The following SORCS1 variants were observed in gnomAD, a reference collection of about 807,000 sequenced individuals.
The protein encoded by SORCS1 is sortilin related VPS10 domain containing receptor 1.
SORCS1 carries 60 observed loss-of-function variants against 146.1 expected under a neutral mutation model. The observed-to-expected ratio is 0.41, with a 90% CI of 0.33 to 0.51. SORCS1 has a LOEUF of 0.51. SORCS1 is among the 20% of genes least tolerant of loss of function. The pLI, the probability that SORCS1 is intolerant of heterozygous loss-of-function variation, is 0.21. For missense variants in SORCS1, 1,352 were observed against 1,487.6 expected (o/e 0.91, Z 1.50); for synonymous variants, 637 against 584.0 (o/e 1.09, Z -1.31).
rs563578980 is a variant in SORCS1 at position 106,978,013 on chromosome 10, G to A, written c.559-21433C>T. Among the ~76,000 whole-genome samples, 7 of 152,214 alleles carry A rather than the reference G, an allele frequency of 4.6e-5. No homozygotes were observed. The South Asian group carries it at 1.2e-3, about 27-fold the overall frequency. On this transcript the variant is annotated intron_variant, in intron 1 of 25. Coordinates refer to ENST00000263054, the MANE Select transcript of SORCS1 (RefSeq NM_052918.5). ...AAGCTGGAGTGCAAGGCACGATCTC[G>A]GCTCACTACAACCTCTGCCTCCTGG...
intron 1 of SORCS1, among the ~76,000 whole-genome samples, chr10:107,083,789 G>A (rs770580435): frequency 6.6e-5 from 10 of 152,188 alleles, no homozygotes; most frequent in Non-Finnish European, 1.0e-4. Flanking sequence ...GTAAAAGGAG[G>A]CCCTAGAGGG....
rs766585530 is a variant in SORCS1, at chr10:106,607,183, T to C, written c.3148A>G (p.Thr1050Ala). 6 of 1,614,072 alleles carry C rather than the reference T, an allele frequency of 3.7e-6. No homozygotes were observed. The highest frequency in any genetic ancestry group is 5.1e-6 in the Non-Finnish European group (6 of 1,179,940). ...GGACTCACCTGCTCCAGGTCATCAG[T>C]TGACCTTTTGTTTTCTCCAGCTGGA... ...QDPAGENKRS[T>A]DDLEQISELL... is the part of the protein sequence containing the mutation. The change falls in exon 23 of 26, where the codon ACT becomes GCT. Residue 1050 changes from threonine to alanine, a missense_variant. Thr to Ala is a moderately conservative substitution (Grantham distance 58). Around this residue, in one of 3 missense-constraint regions of SORCS1, gnomAD observed 214 missense variants for 204.8 expected, o/e 1.05. Coordinates refer to ENST00000263054, the MANE Select transcript of SORCS1 (RefSeq NM_052918.5).
At chr10:106,748,463 A>T (rs1857908333) in intron 5 of SORCS1, among the ~76,000 whole-genome samples, 1 of 152,114 alleles carries the variant, frequency 6.6e-6, no homozygotes, top group African/African-American at 2.4e-5. Flanking sequence ...TGATGGCTCC[A>T]CAGACCAGCG....
chr10:106,854,444 A>G (rs1379141655), intron 2 of SORCS1, among the ~76,000 whole-genome samples: 1 of 150,068 alleles, frequency 6.7e-6, no homozygotes, highest in Non-Finnish European at 1.5e-5. Flanking sequence ...GGCCACTGAC[A>G]TTTAAAGTGA....
chr10:106,652,274 T>C (rs551724711), intron 18 of SORCS1, 108 bp downstream of exon 18: 3 of 1,213,062 alleles, frequency 2.5e-6, no homozygotes, highest in African/African-American at 3.1e-5. Context: ...AATTTTTAAA[T>C]AGCATCTAAA....
intron 3 of SORCS1, among the ~76,000 whole-genome samples, chr10:106,808,262 C>G (rs1382523829): frequency 6.6e-6 from 1 of 152,214 alleles, no homozygotes. Flanking sequence ...AGGTGATCCA[C>G]CTGCCTTGGC....
the SORCS1 span, among the ~76,000 whole-genome samples, chr10:107,177,664 T>G: frequency 2.4e-4 from 36 of 152,224 alleles, no homozygotes; most frequent in Non-Finnish European, 3.5e-4. Flanking sequence ...TTTGATACAT[T>G]CTTACAATAT....
chr10:106,974,402 G>A (rs1955910462), intron 1 of SORCS1, among the ~76,000 whole-genome samples: 1 of 152,222 alleles, frequency 6.6e-6, no homozygotes, highest in Non-Finnish European at 1.5e-5. Flanking sequence ...GTTCAATACA[G>A]AAGGCTTTGT....
At chr10:107,179,911 T>C in the SORCS1 span, among the ~76,000 whole-genome samples, 2 of 81,010 alleles carry the variant, frequency 2.5e-5, no homozygotes, top group South Asian at 4.0e-4. Context: ...AGACTTTTTT[T>C]TTTTTTTTTT....
At chr10:106,676,696 A>G (rs1337137000) in intron 13 of SORCS1, among the ~76,000 whole-genome samples, 4 of 152,108 alleles carry the variant, frequency 2.6e-5, no homozygotes, top group Non-Finnish European at 4.4e-5. Flanking sequence ...AGACCTTGAC[A>G]TTCTGAAACT....
chr10:106,708,268 G>GTA lies in SORCS1; in HGVS notation c.1143+953_1143+954dup, dbSNP rs547337351. 2.5e-3 allele frequency among the ~76,000 whole-genome samples: 370 copies of GTA among 150,006 alleles called. 1 individual carries two copies. The highest frequency in any genetic ancestry group is 0.017 in the East Asian group (88 of 5,080). ...ATGGTGTGTGTGTGTGTGTGTGTGT[G>GTA]TATGTGTGTGATCATATGTGAAACA... On this transcript the variant is annotated intron_variant, in intron 7 of 25. Transcript: ENST00000263054.
At chr10:106,593,166 G>A (rs2133286328) in intron 24 of SORCS1, among the ~76,000 whole-genome samples, 1 of 151,304 alleles carries the variant, frequency 6.6e-6, no homozygotes, top group Non-Finnish European at 1.5e-5. Context: ...TGTGGCAAGT[G>A]TGTCTCGGCC....
At chr10:106,696,302 T>G (rs1853699840) in intron 9 of SORCS1, among the ~76,000 whole-genome samples, 1 of 152,246 alleles carries the variant, frequency 6.6e-6, no homozygotes, top group African/African-American at 2.4e-5. Flanking sequence ...CTCTAAACTC[T>G]CATCATTCAT....
intron 1 of SORCS1, among the ~76,000 whole-genome samples, chr10:107,102,832 AT>A (rs2134392872): frequency 6.6e-6 from 1 of 152,326 alleles, no homozygotes; most frequent in South Asian, 2.1e-4. Flanking sequence ...AAATCTTTAC[AT>A]TTTGTGAACA....
intron 24 of SORCS1, among the ~76,000 whole-genome samples, chr10:106,595,179 G>T (rs1212497878): frequency 1.3e-5 from 2 of 152,164 alleles, no homozygotes; most frequent in Non-Finnish European, 2.9e-5. Flanking sequence ...TTTCTTCAGA[G>T]AATTTTCACC....
At chr10:106,679,809 C>T in intron 10 of SORCS1, 75 bp from the exon 11 acceptor site, 6 of 1,174,198 alleles carry the variant, frequency 5.1e-6, no homozygotes, top group Non-Finnish European at 7.4e-6. Context: ...TCAGATCATC[C>T]ATCCATCTAA....
At chr10:106,903,664 G>A (rs531947615) in intron 2 of SORCS1, among the ~76,000 whole-genome samples, 2 of 152,294 alleles carry the variant, frequency 1.3e-5, no homozygotes, top group South Asian at 2.1e-4. Context: ...GAAACCAAAT[G>A]TATTTTTAAT....
At chr10:106,778,686 C>T (rs2027217) in intron 3 of SORCS1, among the ~76,000 whole-genome samples, 36,462 of 151,952 alleles carry the variant, frequency 0.24, 4,728 homozygotes, top group Non-Finnish European at 0.29. Flanking sequence ...GTAAAACAAC[C>T]TTTTTGCACT....
intron 2 of SORCS1, among the ~76,000 whole-genome samples, chr10:106,895,570 T>A (rs1037426291): frequency 6.6e-6 from 1 of 152,152 alleles, no homozygotes; most frequent in Non-Finnish European, 1.5e-5. Flanking sequence ...AAGATTGTGC[T>A]ACCGCACTCC....
Sources: allele counts gnomAD v4.1 joint callset (sites outside exome capture counted in the v4.1 genomes callset), GRCh38; gene constraint gnomAD v4.1.1; regional missense constraint gnomAD v4.1.1; transcripts MANE v1.5; gene names NCBI Gene and HGNC (gene_info 2026-07-23, HGNC 2026-07-21).